Variants in SMCHD1 observed in about 807,000 individuals in gnomAD.
SMCHD1 encodes structural maintenance of chromosomes flexible hinge domain-containing protein 1.
Under a neutral mutation model 254.7 loss-of-function variants are expected in SMCHD1, and 78 were observed. The ratio of observed to expected loss-of-function variants is 0.31; its 90% CI spans 0.26 to 0.37. The LOEUF is 0.37. Among genes scored for constraint, SMCHD1 ranks in the 10% least tolerant of loss-of-function variants. The pLI is 1.00. For missense variants in SMCHD1, 1,840 were observed against 2,408.1 expected (o/e 0.76, Z 4.94); for synonymous variants, 766 against 794.9 (o/e 0.96, Z 0.61).
chr18:2,761,617 G>T (rs972891633), intron 35 of SMCHD1, among the ~76,000 whole-genome samples: 1 of 152,278 alleles, frequency 6.6e-6, no homozygotes, highest in African/African-American at 2.4e-5. Flanking sequence ...AAGAGTTCAA[G>T]ACCAGCCTGG....
intron 44 of SMCHD1, among the ~76,000 whole-genome samples, chr18:2,782,065 AG>A (rs1438408001): frequency 2.0e-5 from 3 of 152,242 alleles, no homozygotes; most frequent in Non-Finnish European, 4.4e-5. Flanking sequence ...AATTGATAAT[AG>A]CACATATTGA....
chr18:2,694,773 T>A, intron 8 of SMCHD1, 80 bp downstream of exon 8: 1 of 1,212,644 alleles, frequency 8.2e-7, no homozygotes, highest in Non-Finnish European at 1.2e-6. Flanking sequence ...TATTGAAGCC[T>A]CTTTGGTATC....
chr18:2,750,045 C>T lies in SMCHD1; in HGVS notation c.3930C>T (p.Leu1310=). ...ISLTKASNLK[L]MPSNQQHKTD... ...ATTTTGTTTTGTTTTGTTTTTAGCT[C>T]ATGCCTTCAAACCAACAGCATAAAA... The change falls in exon 31 of 48, where the codon CTC becomes CTT. Residue 1310 remains leucine, a splice_region_variant and synonymous_variant. Coordinates refer to ENST00000320876, the MANE Select transcript of SMCHD1 (RefSeq NM_015295.3). 6.4e-7 allele frequency: 1 copy of T among 1,558,506 alleles called. No individual in the cohort carries two copies. Among genetic ancestry groups the T allele is most frequent in the Non-Finnish European group, 8.7e-7 (1 of 1,150,658 alleles).
chr18:2,700,834 C>T lies in SMCHD1; in HGVS notation c.1563C>T (p.Val521=). The T allele has an allele frequency of 6.2e-7, 1 of 1,613,158 alleles. No individual in the cohort carries two copies. The highest frequency in any genetic ancestry group is 8.5e-7 in the Non-Finnish European group (1 of 1,179,480). Residue 521 remains valine, a synonymous_variant, in exon 12 of 48, where the codon GTC becomes GTT. Transcript: ENST00000320876. ...GALFTNDKFQ[V]STNKLTFMDL... is the part of the protein sequence containing the mutation. ...TATTCACTAATGACAAATTCCAGGT[C>T]AGCACAAATAAATTGACGTTTATGG...
chr18:2,657,139 C>G (rs1193822451), intron 1 of SMCHD1, among the ~76,000 whole-genome samples: 1 of 152,138 alleles, frequency 6.6e-6, no homozygotes, highest in East Asian at 1.9e-4. Context: ...AAAAAAAGAA[C>G]TTTGAAGCCG....
chr18:2,762,334 C>G (rs2075800520), intron 36 of SMCHD1, 98 bp downstream of exon 36: 1 of 1,163,078 alleles, frequency 8.6e-7, no homozygotes, highest in African/African-American at 1.5e-5. Context: ...GTCAGTTACT[C>G]TGATTAAGGT....
In SMCHD1 at chr18:2,803,501, T is replaced by G. The variant is rs1286077989; in HGVS notation, c.*949T>G. ...AGACTATTGATCTGTGAAGTTATTTTGTAAGGACATACATTTGGTAAGTAA... is the reference window on the plus strand; with the variant it reads ...AGACTATTGATCTGTGAAGTTATTTGGTAAGGACATACATTTGGTAAGTAA... On this transcript the variant is annotated 3_prime_UTR_variant, in exon 48 of 48. Transcript: ENST00000320876. 1 of 152,072 alleles carries G rather than the reference T, an allele frequency of 6.6e-6. No homozygotes were observed. The highest frequency in any genetic ancestry group is 6.6e-5 in the Admixed American group (1 of 15,254). 9.4% of individuals were successfully genotyped at this position (152,072 alleles called of 1,614,324 possible).
In SMCHD1 at chr18:2,656,166, T is replaced by C. The variant is rs1346793067; in HGVS notation, c.91T>C (p.Phe31Leu). The C allele has an allele frequency of 6.6e-7, 1 of 1,514,812 alleles. No individual in the cohort carries two copies. Among genetic ancestry groups the C allele is most frequent in the Admixed American group, 2.4e-5 (1 of 42,526 alleles). The allele number at this position is 1,514,812 out of a possible 1,614,324, so 93.8% of individuals were successfully genotyped here. A position where few individuals can be genotyped will look rare whatever the true frequency, so the allele number is the denominator to read the frequency against. ...CGTCGGCCACAGGACGGTGTACTTG[T>C]TTGATCGGCGCGAAAAGGAGTCCGA... ...GGVGHRTVYLFDRREKESELG... is the reference protein window; with the variant it reads ...GGVGHRTVYLLDRREKESELG... The change falls in exon 1 of 48, where the codon TTT becomes CTT. Residue 31 changes from phenylalanine (F) to leucine (L), a missense_variant. Physicochemically the swap from Phe to Leu is conservative, Grantham distance 22. Around this residue, in one of 9 missense-constraint regions of SMCHD1, gnomAD observed 115 missense variants for 99.1 expected, o/e 1.16. Coordinates refer to ENST00000320876, the MANE Select transcript of SMCHD1 (RefSeq NM_015295.3).
At chr18:2,730,362 G>C (rs2075114067) in intron 24 of SMCHD1, among the ~76,000 whole-genome samples, 1 of 152,090 alleles carries the variant, frequency 6.6e-6, no homozygotes, top group South Asian at 2.1e-4. Context: ...AGTAGAGATG[G>C]GGTTTCACCG....
rs185602261 is a variant in SMCHD1, at chr18:2,777,198, C to T, written c.5367-608C>T. Among the ~76,000 whole-genome samples the T allele has an allele frequency of 1.2e-4, 18 of 152,224 alleles. No individual in the cohort carries two copies. In the South Asian group the frequency reaches 2.1e-3, roughly 18 times the overall value. Reference sequence around the variant, plus strand: ...GTATGGATTTGACATTTAGGGCTAACGTTTGTTCTAGAAACGAGTTATCCT... The same window carrying T: ...GTATGGATTTGACATTTAGGGCTAATGTTTGTTCTAGAAACGAGTTATCCT... On this transcript the variant is annotated intron_variant, in intron 42 of 47. Coordinates refer to ENST00000320876, the MANE Select transcript of SMCHD1 (RefSeq NM_015295.3).
chr18:2,676,019 G>A (rs1384027069), intron 5 of SMCHD1, among the ~76,000 whole-genome samples: 2 of 152,066 alleles, frequency 1.3e-5, no homozygotes, highest in African/African-American at 4.8e-5. Flanking sequence ...TCAGTTCCTT[G>A]ACCCACTCTA....
chr18:2,778,458 A>G (rs1454031690), intron 44 of SMCHD1, among the ~76,000 whole-genome samples: 3 of 152,254 alleles, frequency 2.0e-5, no homozygotes, highest in Non-Finnish European at 4.4e-5. Context: ...GACTCAAAAC[A>G]GTGTCTGTTA....
chr18:2,679,515 CAGT>C (rs1200221467), intron 5 of SMCHD1, among the ~76,000 whole-genome samples: 1 of 121,510 alleles, frequency 8.2e-6, no homozygotes, highest in Non-Finnish European at 1.8e-5. Flanking sequence ...TCTTGGTTGA[CAGT>C]CTTTTGTCTT....
chr18:2,777,853 G>T lies in SMCHD1; in HGVS notation c.5414G>T (p.Gly1805Val). 1 of 1,550,756 alleles carries T rather than the reference G, an allele frequency of 6.4e-7. No individual in the cohort carries two copies. Among genetic ancestry groups the T allele is most frequent in the South Asian group, 1.2e-5 (1 of 83,052 alleles). ...GGAAAATTGTATTTTAAACCCATTG[G>T]AGATCCAGTCTTTGCTCGAGACTTG... The part of the protein sequence containing the change: ...RNGKLYFKPI[G>V]DPVFARDLLT... The change falls in exon 43 of 48, where the codon GGA (glycine) becomes GTA (valine). Residue 1805 changes from glycine (G) to valine (V), a missense_variant. By Grantham distance (109) the Gly-to-Val change is moderately radical (BLOSUM62 -3). Around this residue, in one of 9 missense-constraint regions of SMCHD1, gnomAD observed 114 missense variants for 217.6 expected, o/e 0.52. Coordinates refer to ENST00000320876, the MANE Select transcript of SMCHD1 (RefSeq NM_015295.3).
intron 20 of SMCHD1, among the ~76,000 whole-genome samples, chr18:2,723,336 T>C (rs2074964829): frequency 6.6e-6 from 1 of 152,124 alleles, no homozygotes; most frequent in African/African-American, 2.4e-5. Context: ...TTGCTTGTTC[T>C]TGGTCTCTAG....
In SMCHD1 at chr18:2,778,624, T is replaced by C. The variant is rs779309500; in HGVS notation, c.5547+385T>C. ...GGTGGCTTAAATAATAGAAATTTAT[T>C]GTATCACAGTTCTGGAAGCTGGAGA... On this transcript the variant is annotated intron_variant, in intron 44 of 47. Transcript: ENST00000320876. Among the ~76,000 whole-genome samples, 20 of 127,672 alleles carry C rather than the reference T, an allele frequency of 1.6e-4. 1 individual carries two copies. Among genetic ancestry groups the C allele is most frequent in the Admixed American group, 1.4e-3 (17 of 12,504 alleles). 83.8% of individuals were successfully genotyped at this position (127,672 alleles called of 152,430 possible).
At chr18:2,785,405 T>C (rs1433259707) in intron 45 of SMCHD1, among the ~76,000 whole-genome samples, 1 of 152,064 alleles carries the variant, frequency 6.6e-6, no homozygotes, top group Non-Finnish European at 1.5e-5. Flanking sequence ...TCCCAGCACT[T>C]TGGGAGGCCG....
chr18:2,708,870 A>ATG (rs2074585200), intron 17 of SMCHD1, among the ~76,000 whole-genome samples: 3 of 15,606 alleles, frequency 1.9e-4, no homozygotes, highest in East Asian at 4.7e-3. Flanking sequence ...ATAACTTCAT[A>ATG]TATATATATA....
chr18:2,677,786 C>T (rs1346717791), intron 5 of SMCHD1, among the ~76,000 whole-genome samples: 5 of 152,120 alleles, frequency 3.3e-5, no homozygotes, highest in South Asian at 2.1e-4. Flanking sequence ...GTCACCACAC[C>T]TGGCTAATTT....
Sources: gnomAD v4.1 joint callset for allele counts (sites outside exome capture counted in the v4.1 genomes callset) on GRCh38, gnomAD v4.1.1 for gene constraint, gnomAD v4.1.1 regional missense constraint, MANE v1.5 for transcripts, NCBI Gene and HGNC (gene_info 2026-07-23, HGNC 2026-07-21) for gene names.